The following FANCB variants were observed in gnomAD, a reference collection of about 807,000 sequenced individuals.
The protein encoded by FANCB is Fanconi anemia group B protein.
In FANCB, 5 loss-of-function variants were observed where a neutral mutation model predicts 38.9. The observed-to-expected ratio is 0.13, with a 90% CI of 0.07 to 0.27. FANCB has a LOEUF of 0.27. FANCB is among the 10% of genes least tolerant of loss of function. The probability of loss-of-function intolerance (pLI) is 1.00; values close to 1 mark genes in which losing one functional copy is unlikely to be tolerated. For missense variants in FANCB, 573 were observed against 602.7 expected, an observed-to-expected ratio of 0.95 and a Z score of 0.52; for synonymous variants, 236 against 215.4, an observed-to-expected ratio of 1.10 and a Z score of -0.84.
At chrX:14,751,323 G>A in the FANCB span, among the ~76,000 whole-genome samples, 3 of 112,553 alleles carry the variant, frequency 2.7e-5, no homozygotes, top group Non-Finnish European at 5.6e-5. Flanking sequence ...TGAACAAACT[G>A]TAGCTACGTG....
At position 14,843,774 on chromosome X, in the gene FANCB, G is replaced by C; in HGVS notation, c.2373C>G (p.Ser791Arg). 2 of 1,210,734 alleles carry C rather than the reference G, an allele frequency of 1.7e-6. No homozygotes were observed. The highest frequency in any genetic ancestry group is 3.5e-5 in the South Asian group (2 of 56,970). ...CCGCGACGACACTACTCTTTCCTTTGCTCACTTCACACCTCTGCATAAAAT... is the reference window on the plus strand; with the variant it reads ...CCGCGACGACACTACTCTTTCCTTTCCTCACTTCACACCTCTGCATAAAAT... ...ESNFMQRCEV[S>R]KGKSSVVAAA... The change falls in exon 10 of 10, where the codon AGC (serine) becomes AGG (arginine). Residue 791 changes from serine (S) to arginine (R), a missense_variant. Physicochemically the swap from Ser to Arg is moderately radical, Grantham distance 110 (BLOSUM62 -1). Transcript: ENST00000650831.
chrX:14,847,820 T>G, intron 7 of FANCB, among the ~76,000 whole-genome samples: 1 of 111,101 alleles, frequency 9.0e-6, no homozygotes, highest in Non-Finnish European at 1.9e-5. Context: ...AAAGATCTAA[T>G]AAAATGGATG....
chrX:14,837,620 A>G (rs1220692892), intron 10 of FANCB, among the ~76,000 whole-genome samples: 1 of 112,652 alleles, frequency 8.9e-6, no homozygotes, highest in African/African-American at 3.2e-5. Context: ...CAATTCAATT[A>G]TATTAACAGA....
At chrX:14,818,340 T>A in the FANCB span, among the ~76,000 whole-genome samples, 2 of 103,241 alleles carry the variant, frequency 1.9e-5, no homozygotes, top group Non-Finnish European at 2.0e-5. Flanking sequence ...CAGAAGCATA[T>A]CTGAGTTGGA....
the FANCB span, among the ~76,000 whole-genome samples, chrX:14,828,324 A>C: frequency 1.8e-5 from 2 of 112,137 alleles, no homozygotes; most frequent in East Asian, 5.6e-4. Flanking sequence ...TCTCTGTAGC[A>C]TGTAATGCCA....
At chrX:14,694,358 C>T in the FANCB span, among the ~76,000 whole-genome samples, 1 of 111,803 alleles carries the variant, frequency 8.9e-6, no homozygotes, top group African/African-American at 3.2e-5. Flanking sequence ...TGAGCACCTA[C>T]TATGCTTAAA....
the FANCB span, among the ~76,000 whole-genome samples, chrX:14,818,602 C>A: frequency 9.0e-6 from 1 of 110,679 alleles, no homozygotes; most frequent in Non-Finnish European, 1.9e-5. Flanking sequence ...GGAAAATGGT[C>A]CAAACTGCTC....
intron 4 of FANCB, 152 bp from the exon 5 acceptor site, chrX:14,858,106 T>C: frequency 2.4e-6 from 1 of 422,800 alleles, no homozygotes; most frequent in South Asian, 3.8e-5. Flanking sequence ...AAAGGCAAAC[T>C]ATAGGCCAGA....
At chrX:14,810,500 C>T in the FANCB span, among the ~76,000 whole-genome samples, 6 of 111,765 alleles carry the variant, frequency 5.4e-5, no homozygotes, top group Non-Finnish European at 1.1e-4. Flanking sequence ...AGCCAAGGCT[C>T]GAGAACTACG....
chrX:14,751,171 T>C, the FANCB span, among the ~76,000 whole-genome samples: 1 of 112,097 alleles, frequency 8.9e-6, no homozygotes, highest in Non-Finnish European at 1.9e-5. Context: ...AATACATATA[T>C]TTGCCAAAAG....
chrX:14,796,792 C>G, the FANCB span, among the ~76,000 whole-genome samples: 9 of 107,505 alleles, frequency 8.4e-5, no homozygotes, highest in African/African-American at 2.7e-4. Flanking sequence ...GCTGAGTAGT[C>G]CCAAGATCTG....
chrX:14,753,495 T>C, the FANCB span, among the ~76,000 whole-genome samples: 3 of 112,394 alleles, frequency 2.7e-5, no homozygotes, highest in Admixed American at 9.4e-5. Context: ...TTCTCATCTC[T>C]CACTATTCCG....
the FANCB span, among the ~76,000 whole-genome samples, chrX:14,740,138 C>G: frequency 9.0e-6 from 1 of 111,592 alleles, no homozygotes; most frequent in Non-Finnish European, 1.9e-5. Context: ...CAGGACTAAC[C>G]AAGAGTTCAT....
In FANCB at chrX:14,865,382, T is replaced by C. The variant is rs1176742009; in HGVS notation, c.129A>G (p.Leu43=). 2 of 1,205,059 alleles carry C rather than the reference T, an allele frequency of 1.7e-6. No individual in the cohort carries two copies. Among genetic ancestry groups the C allele is most frequent in the African/African-American group, 1.7e-5 (1 of 57,626 alleles). Residue 43 remains leucine (L), a synonymous_variant, in exon 3 of 10, where the codon TTA becomes TTG. Transcript: ENST00000650831. ...TGTCAAATACCATTCTTCTGACATGTAATATGGGTGTTTTTGTAGGCTCTT... is the reference window on the plus strand; with the variant it reads ...TGTCAAATACCATTCTTCTGACATGCAATATGGGTGTTTTTGTAGGCTCTT... ...ADKEPTKTPI[L]HVRRMVFDRG...
intron 1 of FANCB, among the ~76,000 whole-genome samples, chrX:14,869,604 C>G (rs1168424273): frequency 8.9e-6 from 1 of 111,958 alleles, no homozygotes; most frequent in Non-Finnish European, 1.9e-5. Flanking sequence ...TTTAATACAT[C>G]AGTTAATTGT....
At chrX:14,831,600 C>T (rs185504813), downstream of FANCB, among the ~76,000 whole-genome samples, 3 of 111,063 alleles carry the variant, frequency 2.7e-5, no homozygotes, top group South Asian at 3.9e-4. Context: ...AGATGGGGAA[C>T]GGAATCTTAG....
intron 7 of FANCB, 146 bp from the exon 8 acceptor site, chrX:14,845,432 A>G: frequency 1.9e-6 from 1 of 519,872 alleles, no homozygotes. Context: ...TATATCAAAA[A>G]GTTAAGAGTA....
the FANCB span, among the ~76,000 whole-genome samples, chrX:14,815,795 T>C: frequency 8.9e-6 from 1 of 111,733 alleles, no homozygotes; most frequent in Non-Finnish European, 1.9e-5. Flanking sequence ...ATAAAGAAAA[T>C]ATGGTACATA....
At chrX:14,735,643 G>A in the FANCB span, among the ~76,000 whole-genome samples, 6 of 111,808 alleles carry the variant, frequency 5.4e-5, no homozygotes, top group African/African-American at 1.6e-4. Context: ...GATGCCAGCC[G>A]GAGCTCTCCT....
Sources: allele counts gnomAD v4.1 joint callset (sites outside exome capture counted in the v4.1 genomes callset), GRCh38; gene constraint gnomAD v4.1.1; transcripts MANE v1.5; gene names NCBI Gene and HGNC (gene_info 2026-07-23, HGNC 2026-07-21).